Variants in KATNIP observed in about 807,000 individuals in gnomAD.
KATNIP encodes the protein katanin-interacting protein.
In KATNIP, 126 loss-of-function variants were observed where a neutral mutation model predicts 174.0. The observed-to-expected ratio is 0.72, with a 90% confidence interval of 0.63 to 0.84. KATNIP has a LOEUF of 0.84. Ranked by LOEUF, KATNIP falls within the 40% of genes least tolerant of loss-of-function variation. The probability of loss-of-function intolerance (pLI) is 0.00; values close to 1 mark genes in which losing one functional copy is unlikely to be tolerated. For synonymous variants in KATNIP, 810 were observed against 835.7 expected (o/e 0.97, Z 0.53); for missense variants, 1,958 against 2,109.7 (o/e 0.93, Z 1.41).
At chr16:27,769,262 C>CA (rs2082220283) in intron 20 of KATNIP, among the ~76,000 whole-genome samples, 2 of 152,080 alleles carry the variant, frequency 1.3e-5, no homozygotes, top group African/African-American at 4.8e-5. Context: ...CATACAGGCC[C>CA]AAAAAGGATG....
intron 15 of KATNIP, among the ~76,000 whole-genome samples, chr16:27,747,467 C>T (rs1214314479): frequency 2.0e-5 from 3 of 152,030 alleles, no homozygotes; most frequent in Admixed American, 6.6e-5. Context: ...CTCGTGTTCT[C>T]GGTGTTGGCT....
At chr16:27,687,921 A>G (rs1185514579) in intron 8 of KATNIP, among the ~76,000 whole-genome samples, 2 of 152,238 alleles carry the variant, frequency 1.3e-5, no homozygotes, top group African/African-American at 4.8e-5. Flanking sequence ...GTTCATTAAC[A>G]GTAAGTGACA....
intron 2 of KATNIP, among the ~76,000 whole-genome samples, chr16:27,598,882 C>T (rs12447879): frequency 5.9e-5 from 9 of 152,160 alleles, no homozygotes; most frequent in Admixed American, 5.9e-4. Flanking sequence ...CCCACAGATC[C>T]TGGGTAGAAA....
chr16:27,695,309 G>A (rs191340223), intron 8 of KATNIP, among the ~76,000 whole-genome samples: 16 of 152,272 alleles, frequency 1.1e-4, no homozygotes. Flanking sequence ...GCCCTACAGT[G>A]CCCTGCAAGG....
At chr16:27,773,778 A>T (rs1256096312) in intron 23 of KATNIP, among the ~76,000 whole-genome samples, 1 of 152,112 alleles carries the variant, frequency 6.6e-6, no homozygotes, top group East Asian at 1.9e-4. Context: ...GGACCTGGTT[A>T]TCTGTTGCCA....
At chr16:27,686,970 GATT>G (rs1192264889) in intron 8 of KATNIP, among the ~76,000 whole-genome samples, 1 of 152,084 alleles carries the variant, frequency 6.6e-6, no homozygotes, top group Non-Finnish European at 1.5e-5. Context: ...TATTACTACT[GATT>G]ATTATTAGTA....
rs1210807204 is a variant in KATNIP at position 27,754,067 on chromosome 16, T to C, written c.3553-106T>C. ...CCAGGAAAACACACAAGGACTTACC[T>C]GGGCATAGGGTGGGCAGTGGTAAAT... On this transcript the variant is annotated intron_variant, in intron 17 of 27. Coordinates refer to ENST00000261588, the MANE Select transcript of KATNIP (RefSeq NM_015202.5). 4 of 888,482 alleles carry C rather than the reference T, an allele frequency of 4.5e-6. No individual in the cohort carries two copies. In the Admixed American group the frequency reaches 5.7e-5, roughly 13 times the overall value. 55.0% of individuals were successfully genotyped at this position (888,482 alleles called of 1,614,324 possible).
Position 27,746,193 on chromosome 16 carries a change from G to A in KATNIP, c.2624-3391G>A, listed in dbSNP as rs764698042. Among the ~76,000 whole-genome samples, 5 of 152,086 alleles carry A rather than the reference G, an allele frequency of 3.3e-5. No individual in the cohort carries two copies. In the South Asian group the frequency reaches 8.3e-4, roughly 25 times the overall value. On this transcript the variant is annotated intron_variant, in intron 15 of 27. Transcript: ENST00000261588. ...AGGGAGAATAGGTTAGAAAGCAGAC[G>A]CAGAATGAAAGCAAAGTCCCTGCCT...
rs376862151 is a variant in KATNIP at position 27,777,785 on chromosome 16, G to A, written c.4712+15G>A. ...ACCACCATCAGGTAGGGCCCCAGCC[G>A]GCCCCATGGCCTCCCCACCAGCCCT... On this transcript the variant is annotated intron_variant, in intron 26 of 27. Coordinates refer to ENST00000261588, the MANE Select transcript of KATNIP (RefSeq NM_015202.5). The surrounding 1 kb of genome is among the most constrained non-coding windows in gnomAD (Gnocchi z 4.4). 28 of 1,612,646 alleles carry A rather than the reference G, an allele frequency of 1.7e-5. No homozygotes were observed. Among genetic ancestry groups the A allele is most frequent in the Admixed American group, 1.5e-4 (9 of 59,952 alleles).
intron 18 of KATNIP, among the ~76,000 whole-genome samples, chr16:27,759,282 T>C (rs373681105): frequency 8.5e-5 from 13 of 152,236 alleles, no homozygotes; most frequent in East Asian, 5.8e-4. Context: ...CATTCAGTGC[T>C]ATAAACAACA....
In KATNIP at chr16:27,777,621, C is replaced by T. The variant is rs370236727; in HGVS notation, c.4563C>T (p.Asp1521=). 85 of 1,609,064 alleles carry T rather than the reference C, an allele frequency of 5.3e-5. No individual in the cohort carries two copies. Among genetic ancestry groups the T allele is most frequent in the East Asian group, 2.7e-4 (12 of 44,860 alleles). Residue 1521 remains aspartate, a synonymous_variant, in exon 26 of 28, where the codon GAC becomes GAT. Coordinates refer to ENST00000261588, the MANE Select transcript of KATNIP (RefSeq NM_015202.5). The surrounding 1 kb of genome is among the most constrained non-coding windows in gnomAD (Gnocchi z 4.4). ...CCGTGTCCCTGCAGCTCCTGGTGGA[C>T]GACCTGCTTGTGTACAATGGGATCC... ...RGVKEFGLLV[D]DLLVYNGILA...
At chr16:27,583,467 C>G (rs1035796041) in intron 2 of KATNIP, among the ~76,000 whole-genome samples, 1 of 152,186 alleles carries the variant, frequency 6.6e-6, no homozygotes, top group African/African-American at 2.4e-5. Flanking sequence ...CTGCAAGTTA[C>G]TCAGGAAAGG....
intron 6 of KATNIP, among the ~76,000 whole-genome samples, chr16:27,657,460 G>A (rs969802832): frequency 5.3e-5 from 8 of 152,146 alleles, no homozygotes; most frequent in Admixed American, 3.3e-4. Context: ...GGGCACAGTG[G>A]CTAACACCTA....
chr16:27,640,951 C>T lies in KATNIP; in HGVS notation c.409-7653C>T, dbSNP rs532917313. On this transcript the variant is annotated intron_variant, in intron 5 of 27. Transcript: ENST00000261588. ...AGGAGTTCGATACCAGCCTGGCTAA[C>T]GTGCTGAAACCCTGTCTCTACTAAA... 1.8e-4 allele frequency among the ~76,000 whole-genome samples: 27 copies of T among 152,160 alleles called. No individual in the cohort carries two copies. The South Asian group carries it at 5.0e-3, about 28-fold the overall frequency.
At chr16:27,676,513 A>T (rs546161449) in intron 6 of KATNIP, among the ~76,000 whole-genome samples, 1 of 152,170 alleles carries the variant, frequency 6.6e-6, no homozygotes, top group Non-Finnish European at 1.5e-5. Flanking sequence ...GGGAGCCCTT[A>T]TTCAGCCTAC....
chr16:27,560,814 C>T (rs2089851139), intron 1 of KATNIP, among the ~76,000 whole-genome samples: 1 of 152,168 alleles, frequency 6.6e-6, no homozygotes, highest in Non-Finnish European at 1.5e-5. Context: ...TTTGTATGCC[C>T]AGCACCTGGC....
At chr16:27,575,894 C>G (rs1222746530) in intron 2 of KATNIP, among the ~76,000 whole-genome samples, 2 of 152,200 alleles carry the variant, frequency 1.3e-5, no homozygotes, top group Non-Finnish European at 2.9e-5. Flanking sequence ...TTTTCCCACT[C>G]CTTCTGGTAA....
At chr16:27,673,507 A>T (rs79331102) in intron 6 of KATNIP, among the ~76,000 whole-genome samples, 3,333 of 152,280 alleles carry the variant, frequency 0.022, 137 homozygotes, top group African/African-American at 0.076. Flanking sequence ...GTTATTTTTT[A>T]AAACACCAGT....
rs957308809 is a variant in KATNIP, at chr16:27,778,848, G to T, written c.*219G>T. 4 of 495,010 alleles carry T rather than the reference G, an allele frequency of 8.1e-6. No individual in the cohort carries two copies. The highest frequency in any genetic ancestry group is 1.4e-5 in the Non-Finnish European group (4 of 282,974). 30.7% of individuals were successfully genotyped at this position (495,010 alleles called of 1,614,324 possible). ...GGCAAAGAGATCCCCTGCAGTTCTG[G>T]GTTGGCCACAGGGAGCCCAGGACAC... is the stretch of plus-strand genomic sequence containing the variant. On this transcript the variant is annotated 3_prime_UTR_variant, in exon 28 of 28. Coordinates refer to ENST00000261588, the MANE Select transcript of KATNIP (RefSeq NM_015202.5).
Sources: allele counts gnomAD v4.1 joint callset (sites outside exome capture counted in the v4.1 genomes callset), GRCh38; gene constraint gnomAD v4.1.1; non-coding constraint Gnocchi (gnomAD v3.1); transcripts MANE v1.5; gene names NCBI Gene and HGNC (gene_info 2026-07-23, HGNC 2026-07-21).